The following STARD13 variants were observed in gnomAD, a reference collection of about 807,000 sequenced individuals.
STARD13 encodes StAR related lipid transfer domain containing 13, also known as stAR-related lipid transfer protein 13.
A neutral mutation model predicts 106.4 loss-of-function variants in STARD13; 62 were observed. The ratio of observed to expected loss-of-function variants is 0.58; its 90% CI spans 0.48 to 0.72. The LOEUF is 0.72. STARD13 is among the 30% of genes least tolerant of loss of function. The pLI is 0.00. For synonymous variants in STARD13, 565 were observed against 553.0 expected (o/e 1.02, Z -0.31); for missense variants, 1,387 against 1,424.0 (o/e 0.97, Z 0.42).
At chr13:33,402,541 C>T in the STARD13 span, among the ~76,000 whole-genome samples, 2 of 152,224 alleles carry the variant, frequency 1.3e-5, no homozygotes, top group African/African-American at 2.4e-5. Context: ...AGCCTGGAGA[C>T]CTCTGACCCT....
At chr13:33,382,050 A>G in the STARD13 span, among the ~76,000 whole-genome samples, 1 of 152,184 alleles carries the variant, frequency 6.6e-6, no homozygotes, top group Admixed American at 6.5e-5. Context: ...CTTGGCTCCT[A>G]GCGCAAACGC....
At chr13:33,342,084 T>A (rs2077967647) in intron 1 of STARD13, among the ~76,000 whole-genome samples, 1 of 152,198 alleles carries the variant, frequency 6.6e-6, no homozygotes, top group Non-Finnish European at 1.5e-5. Flanking sequence ...CATAAGCCAC[T>A]CTGCCAGGCC....
the STARD13 span, among the ~76,000 whole-genome samples, chr13:33,380,465 A>ACC: frequency 8.9e-6 from 1 of 111,928 alleles, no homozygotes; most frequent in Non-Finnish European, 1.9e-5. Flanking sequence ...ACACACACAC[A>ACC]CCCCCACCCC....
the STARD13 span, among the ~76,000 whole-genome samples, chr13:33,389,021 C>A: frequency 3.4e-5 from 5 of 147,210 alleles, no homozygotes; most frequent in Admixed American, 2.1e-4. Flanking sequence ...TATGGTGCAA[C>A]CTTGGCTCAC....
At chr13:33,622,163 C>G in the STARD13 span, among the ~76,000 whole-genome samples, 1 of 152,150 alleles carries the variant, frequency 6.6e-6, no homozygotes, top group Non-Finnish European at 1.5e-5. Flanking sequence ...CAACCAATTC[C>G]ACCAAATGTT....
exon 1 of STARD13, chr13:33,350,321 C>G (rs979878514): frequency 7.1e-5 from 109 of 1,534,178 alleles, no homozygotes; most frequent in Non-Finnish European, 9.4e-5. Context: ...CGTTCTTCCA[C>G]AGCAGATCCC....
intron 1 of STARD13, among the ~76,000 whole-genome samples, chr13:33,174,166 T>C (rs929984827): frequency 2.6e-5 from 4 of 152,158 alleles, no homozygotes; most frequent in African/African-American, 9.7e-5. Context: ...TCAGTCTTTT[T>C]CAGCCTGGTT....
chr13:33,131,358 A>G (rs1878260939), intron 4 of STARD13, among the ~76,000 whole-genome samples: 1 of 152,270 alleles, frequency 6.6e-6, no homozygotes, highest in South Asian at 2.1e-4. Flanking sequence ...TACAGTAAAA[A>G]TGTGGGAGAA....
the STARD13 span, among the ~76,000 whole-genome samples, chr13:33,370,772 C>G: frequency 6.6e-6 from 1 of 151,794 alleles, no homozygotes; most frequent in African/African-American, 2.4e-5. Flanking sequence ...GTGCCCACCA[C>G]CATGTCTGGC....
At chr13:33,517,579 C>G in the STARD13 span, among the ~76,000 whole-genome samples, 2 of 151,998 alleles carry the variant, frequency 1.3e-5, no homozygotes, top group Non-Finnish European at 2.9e-5. Context: ...AAATTTAGTC[C>G]TGATATTCAA....
chr13:33,405,484 A>G, the STARD13 span, among the ~76,000 whole-genome samples: 1 of 152,248 alleles, frequency 6.6e-6, no homozygotes, highest in Non-Finnish European at 1.5e-5. Flanking sequence ...ATCAGAGGAC[A>G]GAGCAACATG....
chr13:33,241,712 C>T (rs925483281), intron 1 of STARD13, among the ~76,000 whole-genome samples: 1 of 152,028 alleles, frequency 6.6e-6, no homozygotes, highest in Admixed American at 6.6e-5. Flanking sequence ...GACTGGTTTT[C>T]GTATTTTTTG....
chr13:33,301,710 G>A (rs374597955), intron 1 of STARD13, among the ~76,000 whole-genome samples: 28 of 151,786 alleles, frequency 1.8e-4, no homozygotes, highest in East Asian at 1.2e-3. Flanking sequence ...TGGGACTACC[G>A]GCACCCGCCA....
At chr13:33,283,645 T>C (rs1480202654) in intron 1 of STARD13, among the ~76,000 whole-genome samples, 1 of 152,234 alleles carries the variant, frequency 6.6e-6, no homozygotes, top group Non-Finnish European at 1.5e-5. Flanking sequence ...CCCTGTGATC[T>C]TAACTGTCAG....
chr13:33,608,730 T>C, the STARD13 span, among the ~76,000 whole-genome samples: 2 of 151,742 alleles, frequency 1.3e-5, no homozygotes, highest in South Asian at 4.2e-4. Flanking sequence ...AGATTGAAAT[T>C]AAAAAAAAGA....
the STARD13 span, among the ~76,000 whole-genome samples, chr13:33,457,542 A>G: frequency 9.8e-5 from 15 of 152,342 alleles, no homozygotes; most frequent in African/African-American, 3.4e-4. Context: ...GGAAACATCC[A>G]ATACACCTGT....
chr13:33,496,180 T>C, the STARD13 span, among the ~76,000 whole-genome samples: 5 of 145,600 alleles, frequency 3.4e-5, no homozygotes, highest in Non-Finnish European at 6.0e-5. Flanking sequence ...TATTTAAATA[T>C]AATTTATAAT....
At chr13:33,636,139 C>CAAAAA in the STARD13 span, among the ~76,000 whole-genome samples, 1 of 47,296 alleles carries the variant, frequency 2.1e-5, no homozygotes, top group Non-Finnish European at 5.0e-5. Flanking sequence ...GACTCTGTCT[C>CAAAAA]AAAAAAAAAA....
chr13:33,146,862 C>T (rs1880613980), intron 3 of STARD13, among the ~76,000 whole-genome samples: 1 of 152,186 alleles, frequency 6.6e-6, no homozygotes, highest in Non-Finnish European at 1.5e-5. Flanking sequence ...GCCCTTTTCC[C>T]CAGCTTTTCA....
Sources: gnomAD v4.1 joint callset for allele counts (sites outside exome capture counted in the v4.1 genomes callset) on GRCh38, gnomAD v4.1.1 for gene constraint, MANE v1.5 for transcripts, NCBI Gene and HGNC (gene_info 2026-07-23, HGNC 2026-07-21) for gene names.